The following CCM2 variants were observed in gnomAD, a reference collection of about 807,000 sequenced individuals.
The protein encoded by CCM2 is CCM2 scaffold protein.
Under a neutral mutation model 44.9 loss-of-function variants are expected in CCM2, and 25 were observed. That is an observed-to-expected ratio of 0.56 (90% CI 0.41 to 0.78). The LOEUF (loss-of-function observed/expected upper bound fraction) is 0.78. Ranked by LOEUF, CCM2 falls within the 30% of genes least tolerant of loss-of-function variation. The probability of loss-of-function intolerance (pLI) is 0.00; values close to 1 mark genes in which losing one functional copy is unlikely to be tolerated. For synonymous variants in CCM2, 219 were observed against 241.1 expected (o/e 0.91, Z 0.85); for missense variants, 481 against 580.6 (o/e 0.83, Z 1.76).
chr7:45,041,685 A>T (rs1466270740), intron 2 of CCM2, among the ~76,000 whole-genome samples: 1 of 152,192 alleles, frequency 6.6e-6, no homozygotes, highest in East Asian at 1.9e-4. Context: ...TGTGCCTGCT[A>T]CCAGAGGCTA....
chr7:45,056,511 T>C (rs1798270357), intron 2 of CCM2, among the ~76,000 whole-genome samples: 1 of 152,152 alleles, frequency 6.6e-6, no homozygotes, highest in African/African-American at 2.4e-5. Flanking sequence ...AAGAAAAAAG[T>C]AGCCATCCTA....
chr7:45,058,003 C>G (rs1798344823), intron 2 of CCM2, among the ~76,000 whole-genome samples: 1 of 152,228 alleles, frequency 6.6e-6, no homozygotes, highest in Admixed American at 6.5e-5. Flanking sequence ...CTGCCTGTTT[C>G]CTGCTCCATC....
At chr7:45,012,797 C>T (rs1796118683) in intron 1 of CCM2, among the ~76,000 whole-genome samples, 1 of 152,016 alleles carries the variant, frequency 6.6e-6, no homozygotes, top group Non-Finnish European at 1.5e-5. Context: ...TGATCCTCTT[C>T]AGCCTCCCGA....
intron 2 of CCM2, among the ~76,000 whole-genome samples, chr7:45,061,366 G>A (rs1036229440): frequency 6.6e-6 from 1 of 152,224 alleles, no homozygotes; most frequent in African/African-American, 2.4e-5. Context: ...CCCCTAGGTG[G>A]TTAGGCTCTG....
intron 6 of CCM2, 40 bp downstream of exon 6, chr7:45,070,001 C>CA: frequency 6.2e-7 from 1 of 1,609,922 alleles, no homozygotes; most frequent in Non-Finnish European, 8.5e-7. Flanking sequence ...GGAGCAGGGA[C>CA]AGGAGGGGCT....
chr7:45,030,913 G>A (rs1032594865), intron 1 of CCM2, among the ~76,000 whole-genome samples: 16 of 151,654 alleles, frequency 1.1e-4, no homozygotes, highest in Non-Finnish European at 8.8e-5. Flanking sequence ...TAGTAGAGAC[G>A]GGGTTTCACC....
intron 6 of CCM2, chr7:45,071,307 T>A (rs991780298): frequency 1.3e-5 from 2 of 152,480 alleles, no homozygotes; most frequent in Non-Finnish European, 2.9e-5. Context: ...ATTTTTTTTT[T>A]ACTGAGAAGT....
intron 2 of CCM2, among the ~76,000 whole-genome samples, chr7:45,063,442 T>A (rs2128747047): frequency 6.6e-6 from 1 of 152,346 alleles, no homozygotes; most frequent in African/African-American, 2.4e-5. Flanking sequence ...ACATGCTTTT[T>A]GGGGGACACA....
intron 2 of CCM2, among the ~76,000 whole-genome samples, chr7:45,053,964 C>T (rs1204054577): frequency 1.3e-5 from 2 of 152,184 alleles, no homozygotes; most frequent in Non-Finnish European, 2.9e-5. Context: ...GAAGAGCCTG[C>T]CAGCAGTATC....
intron 1 of CCM2, among the ~76,000 whole-genome samples, chr7:45,011,474 G>A (rs1440071427): frequency 6.6e-6 from 1 of 152,008 alleles, no homozygotes; most frequent in African/African-American, 2.4e-5. Flanking sequence ...TGGGATTATA[G>A]GTGTGAGCCA....
Position 45,029,957 on chromosome 7 carries a change from A to G in CCM2, c.31-8296A>G, listed in dbSNP as rs369431018. ...TAGGCATCTTCCAGAGTGAGTTTAG[A>G]AAGTTCTGTATAGTTATCTGAGGTG... is the stretch of plus-strand genomic sequence containing the variant. On this transcript the variant is annotated intron_variant, in intron 1 of 9. Transcript: ENST00000258781. 1.2e-3 allele frequency among the ~76,000 whole-genome samples: 181 copies of G among 152,366 alleles called. 1 individual carries two copies. Among genetic ancestry groups the G allele is most frequent in the African/African-American group, 4.1e-3 (171 of 41,580 alleles).
intron 1 of CCM2, among the ~76,000 whole-genome samples, chr7:45,019,944 A>C (rs996794781): frequency 3.9e-5 from 6 of 152,148 alleles, no homozygotes; most frequent in African/African-American, 1.4e-4. Context: ...ACCTCCGCTT[A>C]CGCAGTTCAG....
At chr7:45,062,809 A>G (rs1798584918) in intron 2 of CCM2, among the ~76,000 whole-genome samples, 2 of 142,798 alleles carry the variant, frequency 1.4e-5, no homozygotes, top group South Asian at 4.5e-4. Flanking sequence ...CCTGTGTGAT[A>G]GAGTGAGACC....
At position 45,064,773 on chromosome 7, in the gene CCM2, C is replaced by T. The variant is rs73107990; in HGVS notation, c.472+127C>T. 0.046 allele frequency: 44,500 copies of T among 961,094 alleles called. 1,209 individuals carry two copies. The highest frequency in any genetic ancestry group is 0.08 in the African/African-American group (4,936 of 62,000). The allele number at this position is 961,094 out of a possible 1,614,324, so 59.5% of individuals were successfully genotyped here. A position where few individuals can be genotyped will look rare whatever the true frequency, so the allele number is the denominator to read the frequency against. ...GCTGTTTGTCACGACCAATAATTGT[C>T]TTTCCTGTCTCTGAGATCAGCCAGA... On this transcript the variant is annotated intron_variant, in intron 4 of 9. Transcript: ENST00000258781.
chr7:45,063,452 A>G (rs1439224154), intron 2 of CCM2, among the ~76,000 whole-genome samples: 1 of 152,208 alleles, frequency 6.6e-6, no homozygotes, highest in Non-Finnish European at 1.5e-5. Context: ...TGGGGGACAC[A>G]TTGAAACCAT....
In CCM2 at chr7:45,076,397, C is replaced by A; in HGVS notation, c.*340C>A. 1 of 466,694 alleles carries A rather than the reference C, an allele frequency of 2.1e-6. No homozygotes were observed. 28.9% of individuals were successfully genotyped at this position (466,694 alleles called of 1,614,324 possible). ...GGCTGTCAGTTTTGCACATGATGTT[C>A]CTATTGTAACTCTCAGAGACCTTAA... On this transcript the variant is annotated 3_prime_UTR_variant, in exon 10 of 10. Coordinates refer to ENST00000258781, the MANE Select transcript of CCM2 (RefSeq NM_031443.4).
intron 2 of CCM2, among the ~76,000 whole-genome samples, chr7:45,049,930 A>C (rs910229786): frequency 6.6e-6 from 1 of 152,284 alleles, no homozygotes; most frequent in Admixed American, 6.5e-5. Context: ...AACTATTTAC[A>C]TAACATTTAC....
chr7:45,030,237 C>G (rs1385229776), intron 1 of CCM2, among the ~76,000 whole-genome samples: 1 of 152,124 alleles, frequency 6.6e-6, no homozygotes, highest in African/African-American at 2.4e-5. Flanking sequence ...CTCTGAGGTT[C>G]AAAGGTGACA....
intron 1 of CCM2, among the ~76,000 whole-genome samples, chr7:45,015,870 A>T (rs1796244324): frequency 6.6e-6 from 1 of 152,154 alleles, no homozygotes; most frequent in Non-Finnish European, 1.5e-5. Context: ...TGCCCTTTTC[A>T]GCTTGACAGA....
Sources: gnomAD v4.1 joint callset for allele counts (sites outside exome capture counted in the v4.1 genomes callset) on GRCh38, gnomAD v4.1.1 for gene constraint, MANE v1.5 for transcripts, NCBI Gene and HGNC (gene_info 2026-07-23, HGNC 2026-07-21) for gene names.